Variants in PKD1 observed in about 807,000 individuals in gnomAD.
PKD1 encodes the protein polycystin 1, transient receptor potential channel interacting.
In PKD1, 81 loss-of-function variants were observed where a neutral mutation model predicts 361.7. The ratio of observed to expected loss-of-function variants is 0.22; its 90% confidence interval spans 0.19 to 0.27. The LOEUF is 0.27. Among genes scored for constraint, PKD1 ranks in the 10% least tolerant of loss-of-function variants. The probability of loss-of-function intolerance (pLI) is 1.00; values close to 1 mark genes in which losing one functional copy is unlikely to be tolerated. For synonymous variants in PKD1, 3,615 were observed against 2,818.3 expected (o/e 1.28, Z -8.95); for missense variants, 6,399 against 6,118.3 (o/e 1.05, Z -1.53).
At chr16:2,108,120 C>A (rs2092406713) in intron 15 of PKD1, 88 bp from the exon 16 acceptor site, 3 of 1,515,150 alleles carry the variant, frequency 2.0e-6, no homozygotes, top group Non-Finnish European at 2.7e-6. Context: ...CGCGGGAGAC[C>A]CCCTCCCCAT....
At chr16:2,124,998 G>T (rs1349920416) in intron 1 of PKD1, among the ~76,000 whole-genome samples, 1 of 152,184 alleles carries the variant, frequency 6.6e-6, no homozygotes, top group Admixed American at 6.5e-5. Flanking sequence ...GTGAGGAAAT[G>T]GGCTGCAGTG....
At chr16:2,099,398 T>C (rs1434745138) in intron 30 of PKD1, 2 of 572,398 alleles carry the variant, frequency 3.5e-6, no homozygotes, top group Admixed American at 2.5e-5. Flanking sequence ...GGCGTGCTGC[T>C]GTGCAGTCGT....
Position 2,102,475 on chromosome 16 carries a change from G to C in PKD1, c.9107C>G (p.Thr3036Ser). Residue 3036 changes from threonine (T) to serine (S), a missense_variant, in exon 25 of 46, where the codon ACC becomes AGC. Transcript: ENST00000262304. The part of the protein sequence containing the change: ...RTEGLLPLEE[T>S]SPRQAVCLTR... ...GAGGCAGACGGCCTGGCGGGGCGAG[G>C]TCTCCTCCAGGGGCAGCAGCCCCTC... 1.3e-6 allele frequency: 2 copies of C among 1,563,192 alleles called. No homozygotes were observed. Among genetic ancestry groups the C allele is most frequent in the African/African-American group, 2.7e-5 (2 of 73,466 alleles).
chr16:2,107,031 C>G (rs1196693288), intron 16 of PKD1, 83 bp from the exon 17 acceptor site: 45 of 1,356,396 alleles, frequency 3.3e-5, no homozygotes, highest in Non-Finnish European at 4.6e-5. Context: ...GATGCTGCTC[C>G]CAAACTCCAG....
rs138149588 is a variant in PKD1 at position 2,090,351 on chromosome 16, G to C, written c.12378C>G (p.Asp4126Glu). ...GCAGGAACAACTCCACCATCTCGTA[G>C]TCCTGGGGCTCCCAGGCCGGCCGGT... ...ELYRPAWEPQ[D>E]YEMVELFLRR... The change falls in exon 45 of 46, where the codon GAC becomes GAG. Residue 4126 changes from aspartate (D) to glutamate (E), a missense_variant. Coordinates refer to ENST00000262304, the MANE Select transcript of PKD1 (RefSeq NM_001009944.3). The C allele has an allele frequency of 1.2e-6, 2 of 1,612,448 alleles. No individual in the cohort carries two copies. Among genetic ancestry groups the C allele is most frequent in the African/African-American group, 1.3e-5 (1 of 74,928 alleles).
chr16:2,097,134 A>G lies in PKD1; in HGVS notation c.10499+14T>C. On this transcript the variant is annotated intron_variant, in intron 34 of 45. Transcript: ENST00000262304. ...CTCTGGCAATCCCCCCTCCCCCGAG[A>G]GCCGGACACTCACAGGCTGCTGAGC... The G allele has an allele frequency of 6.6e-7, 1 of 1,515,836 alleles. No individual in the cohort carries two copies. The highest frequency in any genetic ancestry group is 8.9e-7 in the Non-Finnish European group (1 of 1,126,876). The allele number at this position is 1,515,836 out of a possible 1,614,324, so 93.9% of individuals were successfully genotyped here.
intron 1 of PKD1, among the ~76,000 whole-genome samples, chr16:2,132,857 G>A (rs374314570): frequency 6.0e-5 from 9 of 149,180 alleles, no homozygotes; most frequent in South Asian, 2.1e-4. Context: ...CGAGGCGGGC[G>A]GATCATCTGA....
rs760496344 is a variant in PKD1 at position 2,115,390 on chromosome 16, G to T, written c.2085C>A (p.Pro695=). Residue 695 remains proline, a synonymous_variant, in exon 10 of 46, where the codon CCC becomes CCA. Transcript: ENST00000262304. ...EFLFSVPAGP[P]AQYSVTLHGQ... is the part of the protein sequence containing the mutation. ...CAGGGCCACACACCGAGTACTGCGC[G>T]GGGGGCCCCGCGGGAACGGAGAAGA... The T allele has an allele frequency of 1.9e-6, 3 of 1,552,234 alleles. No individual in the cohort carries two copies. Among genetic ancestry groups the T allele is most frequent in the African/African-American group, 1.4e-5 (1 of 73,590 alleles).
In PKD1 at chr16:2,112,846, C is replaced by T. The variant is rs773901615; in HGVS notation, c.3103G>A (p.Ala1035Thr). ...ACGCCCGCCGTCAGTGCTAGCGTGG[C>T]ATTGGGGGACAGCACGGCCGGCACT... Reference protein sequence around the residue: ...STVPAVLSPNATLALTAGVLV... With the variant: ...STVPAVLSPNTTLALTAGVLV... The change falls in exon 13 of 46, where the codon GCC becomes ACC. Residue 1035 changes from alanine to threonine, a missense_variant. Ala to Thr is a moderately conservative substitution (Grantham distance 58). Coordinates refer to ENST00000262304, the MANE Select transcript of PKD1 (RefSeq NM_001009944.3). The T allele has an allele frequency of 1.2e-6, 2 of 1,604,984 alleles. No individual in the cohort carries two copies. The highest frequency in any genetic ancestry group is 1.1e-5 in the South Asian group (1 of 90,990).
rs766836544 is a variant in PKD1, at chr16:2,108,487, T to A, written c.6680A>T (p.His2227Leu). 5.0e-6 allele frequency: 8 copies of A among 1,610,136 alleles called. No individual in the cohort carries two copies. Among genetic ancestry groups the A allele is most frequent in the East Asian group, 2.2e-5 (1 of 44,886 alleles). Reference sequence around the variant, plus strand: ...TGACACGACAAACACAAAGCAGTAGTGCCCCACAGGCAGCGCCAGCCGCGG... The same window carrying A: ...TGACACGACAAACACAAAGCAGTAGAGCCCCACAGGCAGCGCCAGCCGCGG... ...VLPRLALPVG[H>L]YCFVFVVSFG... The change falls in exon 15 of 46, where the codon CAC becomes CTC. Residue 2227 changes from histidine (H) to leucine (L), a missense_variant. Physicochemically the swap from His to Leu is moderately conservative, Grantham distance 99 (BLOSUM62 -3). Transcript: ENST00000262304.
At chr16:2,117,180 G>A (rs1352524341) in intron 6 of PKD1, 127 bp from the exon 7 acceptor site, 16 of 661,622 alleles carry the variant, frequency 2.4e-5, no homozygotes, top group Admixed American at 2.1e-4. Flanking sequence ...TCAGAGCCCG[G>A]AGACCAGGGC....
chr16:2,118,558 T>G lies in PKD1; in HGVS notation c.530-96A>C. Reference sequence around the variant, plus strand: ...GCCGCACTCACAGGCTCCCATGCTGTTCCCTTGGCCCGGAGGCCCCCCCCA... The same window carrying G: ...GCCGCACTCACAGGCTCCCATGCTGGTCCCTTGGCCCGGAGGCCCCCCCCA... On this transcript the variant is annotated intron_variant, in intron 4 of 45. Coordinates refer to ENST00000262304, the MANE Select transcript of PKD1 (RefSeq NM_001009944.3). The surrounding 1 kb of genome is among the most constrained non-coding windows in gnomAD (Gnocchi z 6.0). 1.8e-6 allele frequency: 2 copies of G among 1,131,162 alleles called. No homozygotes were observed. The highest frequency in any genetic ancestry group is 2.6e-6 in the Non-Finnish European group (2 of 779,016). 70.1% of individuals were successfully genotyped at this position (1,131,162 alleles called of 1,614,324 possible).
At position 2,110,601 on chromosome 16, in the gene PKD1, G is replaced by A. The variant is rs762207680; in HGVS notation, c.4566C>T (p.Asp1522=). Residue 1522 remains aspartate (D), a synonymous_variant, in exon 15 of 46, where the codon GAC becomes GAT. Transcript: ENST00000262304. The stretch of plus-strand genomic sequence containing the variant: ...TCCAGCCGGCCACCCTAACGGTGAA[G>A]TCACCTGTGCTGTTGTAAGCGTGGG... ...EVTHAYNSTG[D]FTVRVAGWNE... is the part of the protein sequence containing the mutation. 2.6e-5 allele frequency: 42 copies of A among 1,610,664 alleles called. No individual in the cohort carries two copies. In the South Asian group the frequency reaches 3.7e-4, roughly 14 times the overall value.
At chr16:2,098,258 G>C (rs1422914730) in intron 30 of PKD1, 1 of 521,166 alleles carries the variant, frequency 1.9e-6, no homozygotes, top group Non-Finnish European at 3.5e-6. Flanking sequence ...ACCCAGGCTG[G>C]AGTGCAATGG....
In PKD1 at chr16:2,111,442, G is replaced by A. The variant is rs1033550407; in HGVS notation, c.3725C>T (p.Thr1242Met). ...SAAVQTGDNI[T>M]WTFDMGDGTV... is the part of the protein sequence containing the mutation. ...GCCGTCCCCCATGTCGAAGGTCCACGTGATGTTGTCGCCCGTCTGCACCGC... is the reference window on the plus strand; with the variant it reads ...GCCGTCCCCCATGTCGAAGGTCCACATGATGTTGTCGCCCGTCTGCACCGC... The change falls in exon 15 of 46, where the codon ACG becomes ATG. Residue 1242 changes from threonine to methionine, a missense_variant. By Grantham distance (81) the Thr-to-Met change is moderately conservative. Transcript: ENST00000262304. 6.2e-6 allele frequency: 10 copies of A among 1,611,788 alleles called. No homozygotes were observed. Among genetic ancestry groups the A allele is most frequent in the African/African-American group, 4.0e-5 (3 of 74,912 alleles).
rs749517582 is a variant in PKD1, at chr16:2,106,892, C to T, written c.7122G>A (p.Lys2374=). 3 of 1,562,850 alleles carry T rather than the reference C, an allele frequency of 1.9e-6. No homozygotes were observed. The highest frequency in any genetic ancestry group is 2.6e-6 in the Non-Finnish European group (3 of 1,152,494). Residue 2374 remains lysine (K), a synonymous_variant, in exon 17 of 46, where the codon AAG becomes AAA. Transcript: ENST00000262304. The surrounding 1 kb of genome is among the most constrained non-coding windows in gnomAD (Gnocchi z 6.5). The part of the protein sequence containing the change: ...PIVSLECVSC[K]AQAVYEVSRS... ...GGCTCACTTCGTACACGGCCTGTGC[C>T]TTGCAGGACACACACTCCAAGGACA...
intron 1 of PKD1, among the ~76,000 whole-genome samples, chr16:2,131,156 G>A (rs1479587237): frequency 6.6e-6 from 1 of 152,180 alleles, no homozygotes; most frequent in Admixed American, 6.5e-5. Context: ...CCAGGCTGCA[G>A]GAGCCAGTTT....
rs778522302 is a variant in PKD1, at chr16:2,111,544, A to G, written c.3623T>C (p.Val1208Ala). 1 of 1,599,048 alleles carries G rather than the reference A, an allele frequency of 6.3e-7. No individual in the cohort carries two copies. Among genetic ancestry groups the G allele is most frequent in the Non-Finnish European group, 8.5e-7 (1 of 1,173,924 alleles). ...SGAAAQADVR[V>A]FEELRGLSVD... ...GCTGAGTCCGCGGAGCTCCTCAAAG[A>G]CGCGCACATCCGCCTGGGCCGCCGC... The change falls in exon 15 of 46, where the codon GTC becomes GCC. Residue 1208 changes from valine to alanine, a missense_variant. Transcript: ENST00000262304.
At chr16:2,129,222 C>A (rs2092837231) in intron 1 of PKD1, among the ~76,000 whole-genome samples, 2 of 148,824 alleles carry the variant, frequency 1.3e-5, no homozygotes, top group South Asian at 4.3e-4. Context: ...TGCAGTGGCA[C>A]CATCACAGCT....
Sources: allele counts gnomAD v4.1 joint callset (sites outside exome capture counted in the v4.1 genomes callset), GRCh38; gene constraint gnomAD v4.1.1; non-coding constraint Gnocchi (gnomAD v3.1); transcripts MANE v1.5; gene names NCBI Gene and HGNC (gene_info 2026-07-23, HGNC 2026-07-21).